Variants in NRG3 observed in about 807,000 individuals in gnomAD.
NRG3 encodes the protein neuregulin 3.
A neutral mutation model predicts 66.9 loss-of-function variants in NRG3; 31 were observed. That is an observed-to-expected ratio of 0.46 (90% CI 0.35 to 0.63). The LOEUF (loss-of-function observed/expected upper bound fraction) is 0.63, where lower values mean the gene tolerates loss of function less well. NRG3 is among the 20% of genes least tolerant of loss of function. The pLI is 0.00. For synonymous variants in NRG3, 393 were observed against 359.4 expected (o/e 1.09, Z -1.06); for missense variants, 910 against 878.9 (o/e 1.04, Z -0.45).
chr10:82,922,827 C>T (rs1044917894), intron 4 of NRG3, among the ~76,000 whole-genome samples: 1 of 152,270 alleles, frequency 6.6e-6, no homozygotes, highest in Non-Finnish European at 1.5e-5. Context: ...ATCCTCCTTC[C>T]ATATTGTCCC....
chr10:82,976,693 T>C (rs1852288168), intron 7 of NRG3, among the ~76,000 whole-genome samples: 1 of 152,150 alleles, frequency 6.6e-6, no homozygotes, highest in Admixed American at 6.5e-5. Context: ...TTATGTCCTC[T>C]GGTTTCTGTG....
chr10:82,389,688 T>C (rs749301686), intron 2 of NRG3, among the ~76,000 whole-genome samples: 1 of 152,136 alleles, frequency 6.6e-6, no homozygotes, highest in Admixed American at 6.6e-5. Context: ...ACATTACAGG[T>C]AATATCCAAT....
At chr10:82,263,656 C>T (rs1191808796) in intron 1 of NRG3, among the ~76,000 whole-genome samples, 1 of 151,992 alleles carries the variant, frequency 6.6e-6, no homozygotes, top group Non-Finnish European at 1.5e-5. Flanking sequence ...ACCTGTTTTT[C>T]CAGGATTTAC....
At chr10:82,335,102 T>G (rs2082322369) in intron 1 of NRG3, among the ~76,000 whole-genome samples, 1 of 152,238 alleles carries the variant, frequency 6.6e-6, no homozygotes, top group Non-Finnish European at 1.5e-5. Flanking sequence ...GGCCGTGCAT[T>G]TGCTTCATGA....
chr10:82,369,327 C>A (rs2084738084), intron 2 of NRG3, among the ~76,000 whole-genome samples: 1 of 138,322 alleles, frequency 7.2e-6, no homozygotes, highest in East Asian at 2.1e-4. Flanking sequence ...GAGATAGGTT[C>A]TTGCTCTATT....
At chr10:82,317,779 C>T (rs1180963988) in intron 1 of NRG3, among the ~76,000 whole-genome samples, 5 of 152,104 alleles carry the variant, frequency 3.3e-5, no homozygotes, top group East Asian at 1.9e-4. Context: ...AAGTTAAGGA[C>T]GGATCCTGGG....
At chr10:81,925,875 C>T (rs1479147051) in intron 1 of NRG3, among the ~76,000 whole-genome samples, 3 of 151,972 alleles carry the variant, frequency 2.0e-5, no homozygotes, top group Non-Finnish European at 2.9e-5. Flanking sequence ...GCATGCTGAG[C>T]CCTGATTAAA....
intron 3 of NRG3, among the ~76,000 whole-genome samples, chr10:82,852,426 A>T (rs984958423): frequency 1.3e-5 from 2 of 152,140 alleles, no homozygotes; most frequent in Non-Finnish European, 2.9e-5. Context: ...AAGCTTGCAC[A>T]TTCAGCACAT....
intron 2 of NRG3, among the ~76,000 whole-genome samples, chr10:82,491,316 A>ATATATATATATATATATACATAT (rs1389375279): frequency 2.4e-4 from 33 of 136,750 alleles, no homozygotes; most frequent in South Asian, 4.9e-4. Flanking sequence ...ATATATATAT[A>ATATATATATATATATATACATAT]AAATAAAGAT....
At chr10:82,548,976 G>A (rs2044124266) in intron 2 of NRG3, among the ~76,000 whole-genome samples, 1 of 152,132 alleles carries the variant, frequency 6.6e-6, no homozygotes, top group South Asian at 2.1e-4. Flanking sequence ...TTGGGTGAGT[G>A]CAAGACAAAG....
intron 2 of NRG3, among the ~76,000 whole-genome samples, chr10:82,494,680 T>C (rs1322487254): frequency 6.6e-6 from 1 of 152,202 alleles, no homozygotes; most frequent in East Asian, 1.9e-4. Context: ...TTCTCCCTTC[T>C]AAAGCCCATT....
intron 3 of NRG3, among the ~76,000 whole-genome samples, chr10:82,845,741 A>G (rs1235035117): frequency 1.3e-5 from 2 of 152,214 alleles, no homozygotes; most frequent in African/African-American, 4.8e-5. Context: ...GAAAAAATGA[A>G]TAAAATGAAA....
intron 1 of NRG3, among the ~76,000 whole-genome samples, chr10:82,342,053 T>C (rs117173269): frequency 0.03 from 4,527 of 151,804 alleles, 95 homozygotes; most frequent in Non-Finnish European, 0.046. Flanking sequence ...GTATTTATGG[T>C]ATATGGTATT....
At chr10:82,646,414 T>G (rs2133850072) in intron 2 of NRG3, among the ~76,000 whole-genome samples, 1 of 152,310 alleles carries the variant, frequency 6.6e-6, no homozygotes, top group Admixed American at 6.5e-5. Context: ...TCTAGGAATT[T>G]AGGACTCATG....
chr10:82,257,249 A>G (rs748235841), intron 1 of NRG3, among the ~76,000 whole-genome samples: 22 of 152,300 alleles, frequency 1.4e-4, no homozygotes, highest in Admixed American at 1.3e-3. Context: ...GAAAGAGAAG[A>G]GAGAAGGAAG....
intron 3 of NRG3, among the ~76,000 whole-genome samples, chr10:82,789,617 C>A (rs2060502321): frequency 6.6e-6 from 1 of 151,970 alleles, no homozygotes; most frequent in Admixed American, 6.6e-5. Flanking sequence ...AAAGTTGGAT[C>A]ATTTTTAAGT....
At chr10:82,923,163 A>G (rs938424568) in intron 4 of NRG3, among the ~76,000 whole-genome samples, 9 of 152,186 alleles carry the variant, frequency 5.9e-5, no homozygotes, top group Non-Finnish European at 1.0e-4. Context: ...TGCCCATTGT[A>G]TGACTCCTAT....
At chr10:82,981,568 C>G (rs1435926569) in intron 8 of NRG3, among the ~76,000 whole-genome samples, 1 of 152,214 alleles carries the variant, frequency 6.6e-6, no homozygotes, top group Non-Finnish European at 1.5e-5. Context: ...CATCAGCCAT[C>G]TGCTCCTTGT....
chr10:82,971,506 G>A (rs1260546809), intron 6 of NRG3, among the ~76,000 whole-genome samples: 2 of 149,812 alleles, frequency 1.3e-5, no homozygotes, highest in Non-Finnish European at 3.0e-5. Context: ...GCACCATCTC[G>A]GCTCACTGCA....
Sources: allele counts gnomAD v4.1 joint callset (sites outside exome capture counted in the v4.1 genomes callset), GRCh38; gene constraint gnomAD v4.1.1; transcripts MANE v1.5; gene names NCBI Gene and HGNC (gene_info 2026-07-23, HGNC 2026-07-21).